TANC2: variants seen among roughly 807,000 people sequenced by gnomAD.
TANC2 encodes the protein tetratricopeptide repeat, ankyrin repeat and coiled-coil containing 2, also known as protein TANC2.
In TANC2, 26 loss-of-function variants were observed where a neutral mutation model predicts 210.5. The ratio of observed to expected loss-of-function variants is 0.12; its 90% CI spans 0.09 to 0.17. The LOEUF (loss-of-function observed/expected upper bound fraction) is 0.17, where lower values mean the gene tolerates loss of function less well. Ranked by LOEUF, TANC2 falls within the 10% of genes least tolerant of loss-of-function variation. TANC2 has a pLI of 1.00. For missense variants in TANC2, 2,129 were observed against 2,608.9 expected, an observed-to-expected ratio of 0.82 and a Z score of 4.01; for synonymous variants, 931 against 967.1, an observed-to-expected ratio of 0.96 and a Z score of 0.69.
At chr17:63,016,579 T>G (rs2034120597) in intron 2 of TANC2, among the ~76,000 whole-genome samples, 1 of 152,210 alleles carries the variant, frequency 6.6e-6, no homozygotes, top group Non-Finnish European at 1.5e-5. Flanking sequence ...TTTGGGTATA[T>G]AGGAGTGGGA....
intron 1 of TANC2, among the ~76,000 whole-genome samples, chr17:63,003,254 C>G (rs1014346609): frequency 6.6e-6 from 1 of 152,110 alleles, no homozygotes; most frequent in African/African-American, 2.4e-5. Flanking sequence ...ATTTATATAT[C>G]TACTTTTTGA....
At chr17:62,972,981 G>A (rs1416099561) in intron 1 of TANC2, among the ~76,000 whole-genome samples, 1 of 151,366 alleles carries the variant, frequency 6.6e-6, no homozygotes, top group Non-Finnish European at 1.5e-5. Context: ...TGGGCATGAT[G>A]TTCTCTATCT....
chr17:63,243,304 AG>A (rs1369481055), intron 8 of TANC2, among the ~76,000 whole-genome samples: 1 of 152,232 alleles, frequency 6.6e-6, no homozygotes, highest in East Asian at 1.9e-4. Flanking sequence ...GATGTATTAA[AG>A]GTATATAAAG....
At chr17:63,010,629 C>T (rs1049776161) in intron 2 of TANC2, among the ~76,000 whole-genome samples, 13 of 152,132 alleles carry the variant, frequency 8.5e-5, no homozygotes, top group Admixed American at 7.2e-4. Context: ...ACACCAATTG[C>T]GTGTGGTGGA....
At chr17:63,355,223 C>T (rs1034861347) in exon 14 of TANC2, 7 of 1,613,692 alleles carry the variant, frequency 4.3e-6, no homozygotes, top group East Asian at 2.2e-5. Flanking sequence ...ATGCTGGGAG[C>T]ATTGAAGGCA....
At chr17:63,031,411 T>TA (rs1025378829) in intron 2 of TANC2, among the ~76,000 whole-genome samples, 5 of 152,118 alleles carry the variant, frequency 3.3e-5, no homozygotes, top group Non-Finnish European at 5.9e-5. Flanking sequence ...TTTTTCAAAG[T>TA]AAAGCCTGGC....
In TANC2 at chr17:63,421,437, T is replaced by C; in HGVS notation, c.5707T>C (p.Ser1903Pro). Residue 1903 changes from serine to proline, a missense_variant, in exon 28 of 28, where the codon TCA becomes CCA. Around this residue, in one of 5 missense-constraint regions of TANC2, gnomAD observed 584 missense variants for 627.3 expected, o/e 0.93. Coordinates refer to ENST00000689528, the Ensembl canonical transcript of TANC2. The surrounding 1 kb of genome is among the most constrained non-coding windows in gnomAD (Gnocchi z 6.9). ...CCCACTGAAACCTGCATATGAGAGG[T>C]CATGTGACGAGCTGTCGCCAGTGTC... The C allele has an allele frequency of 1.2e-6, 2 of 1,613,770 alleles. No homozygotes were observed. Among genetic ancestry groups the C allele is most frequent in the Non-Finnish European group, 1.7e-6 (2 of 1,179,844 alleles).
chr17:62,996,994 T>TTTTTTTTTTTTTTTTTTTGAG (rs2033144497), intron 1 of TANC2, among the ~76,000 whole-genome samples: 3 of 143,764 alleles, frequency 2.1e-5, no homozygotes, highest in African/African-American at 8.1e-5. Context: ...TTTGTATTTT[T>TTTTTTTTTTTTTTTTTTTGAG]AGTATAGATG....
At chr17:63,349,035 C>T (rs998035780) in intron 12 of TANC2, among the ~76,000 whole-genome samples, 1 of 152,028 alleles carries the variant, frequency 6.6e-6, no homozygotes, top group African/African-American at 2.4e-5. Flanking sequence ...AATATGCCCT[C>T]CTTACTTCCT....
chr17:62,968,925 C>A (rs2031523232), intron 1 of TANC2, among the ~76,000 whole-genome samples: 1 of 152,206 alleles, frequency 6.6e-6, no homozygotes, highest in Non-Finnish European at 1.5e-5. Context: ...CTACTACATT[C>A]TTCCCTTATT....
chr17:63,188,046 G>A (rs2041054565), intron 5 of TANC2, among the ~76,000 whole-genome samples: 1 of 152,096 alleles, frequency 6.6e-6, no homozygotes, highest in Non-Finnish European at 1.5e-5. Context: ...TACAAGAAAT[G>A]TCTAAGAAAT....
At chr17:63,268,686 C>T (rs2043604543) in intron 9 of TANC2, among the ~76,000 whole-genome samples, 1 of 152,116 alleles carries the variant, frequency 6.6e-6, no homozygotes, top group Non-Finnish European at 1.5e-5. Context: ...GCCTATAATC[C>T]TGGCCTAGCA....
chr17:63,414,389 ATTCTATC>A (rs1306241540), intron 25 of TANC2: 5 of 152,338 alleles, frequency 3.3e-5, no homozygotes, highest in South Asian at 4.1e-4. Flanking sequence ...TAGGAGCAGA[ATTCTATC>A]TTCTAAGTAC....
At chr17:63,245,650 G>T (rs1305589818) in intron 8 of TANC2, among the ~76,000 whole-genome samples, 9 of 152,032 alleles carry the variant, frequency 5.9e-5, no homozygotes, top group Admixed American at 5.9e-4. Context: ...AGACCAGCCT[G>T]GCCAACATGG....
At chr17:63,252,117 A>G (rs1008504221) in intron 8 of TANC2, among the ~76,000 whole-genome samples, 5 of 152,190 alleles carry the variant, frequency 3.3e-5, no homozygotes, top group South Asian at 2.1e-4. Flanking sequence ...TTACATGACT[A>G]TTATTTAATT....
intron 4 of TANC2, among the ~76,000 whole-genome samples, chr17:63,132,066 T>G (rs2038937236): frequency 1.3e-5 from 2 of 152,222 alleles, no homozygotes; most frequent in South Asian, 4.1e-4. Flanking sequence ...TAACATTTGT[T>G]GTTCCAGGCT....
chr17:63,151,881 T>C (rs573006660), intron 5 of TANC2: 1 of 152,302 alleles, frequency 6.6e-6, no homozygotes, highest in East Asian at 1.9e-4. Context: ...AATATAGGTT[T>C]CCGAGATGGA....
At chr17:63,049,661 A>G (rs975000183) in intron 2 of TANC2, among the ~76,000 whole-genome samples, 2 of 152,210 alleles carry the variant, frequency 1.3e-5, no homozygotes, top group African/African-American at 2.4e-5. Context: ...TTTACTTACA[A>G]TGAGAAACCT....
exon 22 of TANC2, chr17:63,411,657 C>T: frequency 6.2e-7 from 1 of 1,613,524 alleles, no homozygotes; most frequent in Non-Finnish European, 8.5e-7. Flanking sequence ...CCCACTGGAT[C>T]TGGCAGCTTT....
Sources: gnomAD v4.1 joint callset for allele counts (sites outside exome capture counted in the v4.1 genomes callset) on GRCh38, gnomAD v4.1.1 for gene constraint, gnomAD v4.1.1 regional missense constraint, Gnocchi (gnomAD v3.1) non-coding constraint, MANE v1.5 for transcripts, NCBI Gene and HGNC (gene_info 2026-07-23, HGNC 2026-07-21) for gene names.